Variants in ARHGEF33 observed in about 807,000 individuals in gnomAD.
The protein encoded by ARHGEF33 is Rho guanine nucleotide exchange factor 33.
A neutral mutation model predicts 101.9 loss-of-function variants in ARHGEF33; 72 were observed. That is an observed-to-expected ratio of 0.71 (90% CI 0.58 to 0.86). The LOEUF (loss-of-function observed/expected upper bound fraction) is 0.86, where lower values mean the gene tolerates loss of function less well. ARHGEF33 is among the 40% of genes least tolerant of loss of function. The pLI is 0.00. For missense variants in ARHGEF33, 1,169 were observed against 1,111.3 expected (o/e 1.05, Z -0.74); for synonymous variants, 499 against 442.5 (o/e 1.13, Z -1.60).
chr2:38,937,781 C>T (rs572934950), intron 9 of ARHGEF33, among the ~76,000 whole-genome samples: 1 of 152,144 alleles, frequency 6.6e-6, no homozygotes, highest in South Asian at 2.1e-4. Context: ...GTTCAAGACA[C>T]TTAGTAATGG....
intron 1 of ARHGEF33, among the ~76,000 whole-genome samples, chr2:38,892,748 A>G (rs1390809086): frequency 1.3e-5 from 2 of 152,052 alleles, no homozygotes; most frequent in East Asian, 3.9e-4. Context: ...TGACTATCCA[A>G]CTCTTTTTCT....
intron 1 of ARHGEF33, among the ~76,000 whole-genome samples, chr2:38,892,137 A>T (rs1318500745): frequency 6.6e-6 from 1 of 152,262 alleles, no homozygotes; most frequent in South Asian, 2.1e-4. Flanking sequence ...AATCTCTAGA[A>T]TTTATTTCCT....
rs1572772587 is a variant in ARHGEF33, at chr2:38,953,112, T to G, written c.1054-50T>G. On this transcript the variant is annotated intron_variant, in intron 11 of 17. Coordinates refer to ENST00000409978, the MANE Select transcript of ARHGEF33 (RefSeq NM_001145451.5). ...CATATATGACTCTATAAAAATATTA[T>G]AGATCCTGTTTTCAGGTTCTTACCA... 9.6e-6 allele frequency: 8 copies of G among 836,750 alleles called. 1 individual carries two copies. In the East Asian group the frequency reaches 2.1e-4, roughly 22 times the overall value. The allele number at this position is 836,750 out of a possible 1,614,324, so 51.8% of individuals were successfully genotyped here. A position where few individuals can be genotyped will look rare whatever the true frequency, so the allele number is the denominator to read the frequency against.
Position 38,944,291 on chromosome 2 carries a change from C to T in ARHGEF33, c.920+261C>T, listed in dbSNP as rs151134917. Among the ~76,000 whole-genome samples the T allele has an allele frequency of 6.8e-3, 1,029 of 152,296 alleles. 12 individuals are homozygous for T. Among genetic ancestry groups the T allele is most frequent in the African/African-American group, 0.024 (981 of 41,554 alleles). On this transcript the variant is annotated intron_variant, in intron 10 of 17. Transcript: ENST00000409978. ...GGGGAGTCTAAGATCGAGGTGCTGG[C>T]AGATTGAATCTCTGGTTCCAAGATG...
intron 16 of ARHGEF33, among the ~76,000 whole-genome samples, chr2:38,965,640 C>G (rs796679384): frequency 1.3e-5 from 2 of 152,194 alleles, no homozygotes; most frequent in East Asian, 1.9e-4. Flanking sequence ...TTTTCTAGCA[C>G]GACAGTGTTG....
intron 2 of ARHGEF33, among the ~76,000 whole-genome samples, chr2:38,899,546 G>A: frequency 6.6e-6 from 1 of 152,098 alleles, no homozygotes; most frequent in East Asian, 1.9e-4. Context: ...TCCAGAGGCT[G>A]GGGGTGGATG....
In ARHGEF33 at chr2:38,953,242, A is replaced by G; in HGVS notation, c.1134A>G (p.Lys378=). Residue 378 remains lysine (K), a synonymous_variant, in exon 12 of 18, where the codon AAA becomes AAG. Transcript: ENST00000409978. ...CATTGGTTCATGTTGTAGTCCTGAAAGAGGTGAGTTAACGCCATATATATG... is the reference window on the plus strand; with the variant it reads ...CATTGGTTCATGTTGTAGTCCTGAAGGAGGTGAGTTAACGCCATATATATG... ...CISLVHVVVL[K]EGDEEIKSDI... is the part of the protein sequence containing the mutation. 1 of 1,517,416 alleles carries G rather than the reference A, an allele frequency of 6.6e-7. No individual in the cohort carries two copies. The highest frequency in any genetic ancestry group is 9.0e-7 in the Non-Finnish European group (1 of 1,115,362). 94.0% of individuals were successfully genotyped at this position (1,517,416 alleles called of 1,614,324 possible).
intron 2 of ARHGEF33, among the ~76,000 whole-genome samples, chr2:38,910,682 T>A (rs1258499461): frequency 6.6e-6 from 1 of 152,252 alleles, no homozygotes; most frequent in Non-Finnish European, 1.5e-5. Flanking sequence ...ATCCCTCTTT[T>A]TAGTCCTACT....
At chr2:38,914,148 C>T (rs943116178) in intron 2 of ARHGEF33, among the ~76,000 whole-genome samples, 11 of 152,148 alleles carry the variant, frequency 7.2e-5, no homozygotes, top group African/African-American at 2.7e-4. Flanking sequence ...AATGAATATT[C>T]CTGGGGGAAA....
chr2:38,966,682 A>G (rs1052708404), intron 17 of ARHGEF33, among the ~76,000 whole-genome samples: 1 of 152,080 alleles, frequency 6.6e-6, no homozygotes, highest in African/African-American at 2.4e-5. Flanking sequence ...ACTTTAATGG[A>G]GTTTCTGTAT....
At chr2:38,908,250 A>G (rs1236565295) in intron 2 of ARHGEF33, among the ~76,000 whole-genome samples, 2 of 152,162 alleles carry the variant, frequency 1.3e-5, no homozygotes, top group Non-Finnish European at 2.9e-5. Flanking sequence ...TCAAGTCAGG[A>G]TAAGAAAAGA....
chr2:38,939,998 C>G (rs1667262794), intron 9 of ARHGEF33, among the ~76,000 whole-genome samples: 2 of 152,196 alleles, frequency 1.3e-5, no homozygotes, highest in Admixed American at 1.3e-4. Context: ...GAAAGGGCTC[C>G]AGGTTCATTT....
intron 10 of ARHGEF33, among the ~76,000 whole-genome samples, chr2:38,949,376 A>G (rs1200200141): frequency 6.6e-6 from 1 of 152,058 alleles, no homozygotes; most frequent in African/African-American, 2.4e-5. Flanking sequence ...CCTTGCTGTA[A>G]CCCAAAAAAA....
At chr2:38,921,668 G>T (rs1027716695) in intron 4 of ARHGEF33, among the ~76,000 whole-genome samples, 12 of 152,064 alleles carry the variant, frequency 7.9e-5, no homozygotes, top group African/African-American at 2.9e-4. Context: ...TAACTCCTGG[G>T]CTCAAGCTCA....
chr2:38,943,798 T>C, intron 9 of ARHGEF33, 103 bp from the exon 10 acceptor site: 1 of 1,266,868 alleles, frequency 7.9e-7, no homozygotes, highest in Non-Finnish European at 1.1e-6. Flanking sequence ...ATGGTTTTTT[T>C]TTTATTGCTT....
At chr2:38,967,522 T>A (rs1308506219) in intron 17 of ARHGEF33, among the ~76,000 whole-genome samples, 2 of 152,174 alleles carry the variant, frequency 1.3e-5, no homozygotes, top group Non-Finnish European at 2.9e-5. Flanking sequence ...TCTGTCAAGT[T>A]GACAGGGGTG....
chr2:38,958,083 G>C lies in ARHGEF33; in HGVS notation c.1420G>C (p.Ala474Pro). The C allele has an allele frequency of 6.4e-7, 1 of 1,552,218 alleles. No individual in the cohort carries two copies. Among genetic ancestry groups the C allele is most frequent in the Non-Finnish European group, 8.7e-7 (1 of 1,147,126 alleles). The change falls in exon 15 of 18, where the codon GCT becomes CCT. Residue 474 changes from alanine to proline, a missense_variant. Physicochemically the swap from Ala to Pro is conservative, Grantham distance 27. Transcript: ENST00000409978. ...AGGGCTGGCTTCCCAGTGTGCCAAT[G>C]CTGGGCAAGATGCTTCCCCCACTGC... ...YKGLASQCAN[A>P]GQDASPTAGP...
intron 13 of ARHGEF33, among the ~76,000 whole-genome samples, chr2:38,954,880 C>T (rs2603145): frequency 0.93 from 140,672 of 151,992 alleles, 65,200 homozygotes; most frequent in African/African-American, 0.93. Flanking sequence ...GTGATCTGCC[C>T]GCCTCAGCCT....
intron 12 of ARHGEF33, among the ~76,000 whole-genome samples, chr2:38,953,591 A>C (rs1292225317): frequency 6.6e-6 from 1 of 152,178 alleles, no homozygotes; most frequent in African/African-American, 2.4e-5. Flanking sequence ...TCTGAATATT[A>C]AACTTCAGTC....
Sources: allele counts gnomAD v4.1 joint callset (sites outside exome capture counted in the v4.1 genomes callset), GRCh38; gene constraint gnomAD v4.1.1; transcripts MANE v1.5; gene names NCBI Gene and HGNC (gene_info 2026-07-23, HGNC 2026-07-21).